USP33: variants seen among roughly 807,000 people sequenced by gnomAD.
USP33 encodes ubiquitin specific peptidase 33.
USP33 carries 46 observed loss-of-function variants against 124.2 expected under a neutral mutation model. The ratio of observed to expected loss-of-function variants is 0.37; its 90% CI spans 0.29 to 0.47. The LOEUF is 0.47. USP33 is among the 20% of genes least tolerant of loss of function. The probability of loss-of-function intolerance (pLI) is 0.99; values close to 1 mark genes in which losing one functional copy is unlikely to be tolerated. For synonymous variants in USP33, 350 were observed against 352.3 expected (o/e 0.99, Z 0.07); for missense variants, 851 against 1,070.6 (o/e 0.79, Z 2.86).
At chr1:77,718,381 G>A (rs1191334576) in intron 16 of USP33, among the ~76,000 whole-genome samples, 1 of 152,160 alleles carries the variant, frequency 6.6e-6, no homozygotes, top group Non-Finnish European at 1.5e-5. Context: ...GCAAGATCCT[G>A]CAAGTATGAT....
In USP33 at chr1:77,723,518, G is replaced by A. The variant is rs547763036; in HGVS notation, c.1277-75C>T. ...TTTCTCTGGAATCTTTTTTTGTCTT[G>A]TCAATCTTACTTGTATATGATCTCT... is the stretch of plus-strand genomic sequence containing the variant. On this transcript the variant is annotated intron_variant, in intron 11 of 23. Coordinates refer to ENST00000370794, the MANE Select transcript of USP33 (RefSeq NM_201624.3). 2.4e-4 allele frequency: 240 copies of A among 990,912 alleles called. No individual in the cohort carries two copies. In the African/African-American group the frequency reaches 3.5e-3, roughly 14 times the overall value. 61.4% of individuals were successfully genotyped at this position (990,912 alleles called of 1,614,324 possible).
chr1:77,742,792 A>G (rs908634586), intron 1 of USP33, among the ~76,000 whole-genome samples: 2 of 152,130 alleles, frequency 1.3e-5, no homozygotes, highest in African/African-American at 4.8e-5. Flanking sequence ...AACACTGTAA[A>G]TTTAATTTCC....
rs1673555517 is a variant in USP33 at position 77,697,715 on chromosome 1, A to AG, written c.2578+147dup. On this transcript the variant is annotated intron_variant, in intron 23 of 23. Coordinates refer to ENST00000370794, the MANE Select transcript of USP33 (RefSeq NM_201624.3). Reference sequence around the variant, plus strand: ...AAGACCTTTCCTCAGATAAAAAAAAAGTGGCTGCTTTTCATTACTTGCCCT... The same window carrying AG: ...AAGACCTTTCCTCAGATAAAAAAAAAGGTGGCTGCTTTTCATTACTTGCCCT... The AG allele has an allele frequency of 8.3e-6, 8 of 968,036 alleles. No individual in the cohort carries two copies. The East Asian group carries it at 2.0e-4, about 24-fold the overall frequency. The allele number at this position is 968,036 out of a possible 1,614,324, so 60.0% of individuals were successfully genotyped here. A position where few individuals can be genotyped will look rare whatever the true frequency, so the allele number is the denominator to read the frequency against.
chr1:77,723,501 G>T, intron 11 of USP33, 58 bp from the exon 12 acceptor site: 3 of 1,186,116 alleles, frequency 2.5e-6, no homozygotes, highest in Non-Finnish European at 2.4e-6. Flanking sequence ...TTTTTCTCTG[G>T]AATCTTTTTT....
intron 1 of USP33, among the ~76,000 whole-genome samples, chr1:77,752,230 C>G (rs866117953): frequency 1.1e-4 from 16 of 152,094 alleles, no homozygotes; most frequent in Middle Eastern, 3.4e-3. Flanking sequence ...TTCTCCCTCC[C>G]AGGTTCAAGC....
At chr1:77,713,071 T>G in intron 20 of USP33, 129 bp downstream of exon 20, 4 of 720,786 alleles carry the variant, frequency 5.5e-6, no homozygotes, top group Non-Finnish European at 8.9e-6. Context: ...CTACTCACAC[T>G]TTAGAATGAA....
intron 10 of USP33, 81 bp from the exon 11 acceptor site, chr1:77,725,843 T>G: frequency 7.9e-7 from 1 of 1,272,634 alleles, no homozygotes; most frequent in Non-Finnish European, 1.1e-6. Context: ...GTTTCTTAAT[T>G]TGATATTTTG....
intron 21 of USP33, among the ~76,000 whole-genome samples, chr1:77,706,710 G>A (rs547994203): frequency 2.0e-5 from 3 of 152,256 alleles, no homozygotes; most frequent in Admixed American, 1.3e-4. Context: ...TGTGTGGGTG[G>A]CAACACTTTG....
intron 18 of USP33, 108 bp downstream of exon 18, chr1:77,715,634 A>G (rs1455145699): frequency 3.8e-6 from 5 of 1,311,484 alleles, no homozygotes; most frequent in Non-Finnish European, 5.2e-6. Flanking sequence ...AAATAGGAGG[A>G]AAACAATTCC....
chr1:77,751,863 T>C (rs1680369950), intron 1 of USP33, among the ~76,000 whole-genome samples: 1 of 151,978 alleles, frequency 6.6e-6, no homozygotes. Context: ...TAATTTTTTG[T>C]ATTTCCAGTA....
chr1:77,732,412 C>T (rs912155775), intron 7 of USP33, among the ~76,000 whole-genome samples: 3 of 152,126 alleles, frequency 2.0e-5, no homozygotes, highest in African/African-American at 7.2e-5. Context: ...AAATCATTAT[C>T]ATAGTCTCCT....
chr1:77,730,378 C>T (rs1453127412), intron 8 of USP33, among the ~76,000 whole-genome samples: 1 of 152,130 alleles, frequency 6.6e-6, no homozygotes, highest in Non-Finnish European at 1.5e-5. Flanking sequence ...GCAGCTTTAA[C>T]ATTCCAACAC....
chr1:77,734,611 T>C lies in USP33; in HGVS notation c.455-195A>G, dbSNP rs1311522268. Among the ~76,000 whole-genome samples, 5 of 152,322 alleles carry C rather than the reference T, an allele frequency of 3.3e-5. No homozygotes were observed. In the East Asian group the frequency reaches 7.7e-4, roughly 23 times the overall value. The stretch of plus-strand genomic sequence containing the variant: ...TTTGAGTTTTACATAAATTCAAGGA[T>C]TAAACAGTTCAAACTTTGAAATTTG... On this transcript the variant is annotated intron_variant, in intron 6 of 23. Coordinates refer to ENST00000370794, the MANE Select transcript of USP33 (RefSeq NM_201624.3).
chr1:77,734,299 T>C, intron 7 of USP33, 48 bp downstream of exon 7: 3 of 1,415,512 alleles, frequency 2.1e-6, no homozygotes, highest in Non-Finnish European at 2.9e-6. Flanking sequence ...GCTCAAAAAA[T>C]AACTTAAAAA....
intron 1 of USP33, among the ~76,000 whole-genome samples, chr1:77,747,025 C>T (rs1268506982): frequency 2.0e-5 from 3 of 152,066 alleles, no homozygotes; most frequent in Non-Finnish European, 4.4e-5. Flanking sequence ...ATCTTTTGCC[C>T]TTTTTACTAT....
intron 19 of USP33, among the ~76,000 whole-genome samples, chr1:77,714,350 A>C (rs537806604): frequency 1.3e-5 from 2 of 152,348 alleles, no homozygotes; most frequent in South Asian, 4.1e-4. Context: ...CAGAAGAAAA[A>C]GGATTTTTAG....
chr1:77,714,518 G>T, intron 19 of USP33, 96 bp downstream of exon 19: 3 of 1,265,840 alleles, frequency 2.4e-6, no homozygotes, highest in Non-Finnish European at 3.3e-6. Context: ...TGGGGAAATG[G>T]GAAATAAGTG....
chr1:77,708,786 C>T (rs1319281945), intron 21 of USP33, among the ~76,000 whole-genome samples: 1 of 1,638 alleles, frequency 6.1e-4, no homozygotes, highest in Admixed American at 0.029. Flanking sequence ...CACCTGTGTA[C>T]CAAAAAGTGG....
chr1:77,710,655 G>A (rs1261479606), intron 21 of USP33, among the ~76,000 whole-genome samples: 4 of 152,180 alleles, frequency 2.6e-5, no homozygotes, highest in Admixed American at 6.5e-5. Flanking sequence ...GTGTGTGTGT[G>A]TGTCTACACA....
Sources: allele counts gnomAD v4.1 joint callset (sites outside exome capture counted in the v4.1 genomes callset), GRCh38; gene constraint gnomAD v4.1.1; transcripts MANE v1.5; gene names NCBI Gene and HGNC (gene_info 2026-07-23, HGNC 2026-07-21).